FBLIM1: variants seen among roughly 807,000 people sequenced by gnomAD.
FBLIM1 encodes filamin-binding LIM protein 1.
In FBLIM1, 29 loss-of-function variants were observed where a neutral mutation model predicts 37.4. The observed-to-expected ratio is 0.77, with a 90% CI of 0.58 to 1.06. FBLIM1 has a LOEUF of 1.06. FBLIM1 is among the 50% of genes least tolerant of loss of function. The pLI, the probability that FBLIM1 is intolerant of heterozygous loss-of-function variation, is 0.00. For synonymous variants in FBLIM1, 193 were observed against 199.0 expected (o/e 0.97, Z 0.25); for missense variants, 449 against 505.6 (o/e 0.89, Z 1.07).
intron 1 of FBLIM1, among the ~76,000 whole-genome samples, chr1:15,761,461 T>C (rs56053447): frequency 0.013 from 2,038 of 152,312 alleles, 21 homozygotes; most frequent in African/African-American, 0.032. Flanking sequence ...GCACATATAG[T>C]ACCTGGCACA....
chr1:15,770,539 C>G lies in FBLIM1; in HGVS notation c.672C>G (p.Tyr224Ter). Residue 224 changes from tyrosine to a stop codon, truncating the protein, a stop_gained, in exon 6 of 9, where the codon TAC becomes TAG. Transcript: ENST00000375766. LOFTEE classifies it high-confidence loss of function. The stretch of plus-strand genomic sequence containing the variant: ...GCCAGCTGGCTGGGCAGAGCTTCTA[C>G]CAGAAGGATGGGCGACCCCTCTGCG... ...CRRQLAGQSF[Y>*]QKDGRPLCEP... 6.2e-7 allele frequency: 1 copy of G among 1,613,986 alleles called. No homozygotes were observed. Among genetic ancestry groups the G allele is most frequent in the Non-Finnish European group, 8.5e-7 (1 of 1,180,030 alleles).
At chr1:15,774,574 G>A (rs1410585299) in intron 6 of FBLIM1, 44 bp from the exon 7 acceptor site, 2 of 1,570,388 alleles carry the variant, frequency 1.3e-6, no homozygotes, top group Non-Finnish European at 1.7e-6. Flanking sequence ...CGTGGGTTGG[G>A]GTGGGTGTGT....
chr1:15,765,220 G>A lies in FBLIM1; in HGVS notation c.237G>A (p.Gln79=), dbSNP rs2068860306. Residue 79 remains glutamine (Q), a synonymous_variant, in exon 3 of 9, where the codon CAG becomes CAA. Transcript: ENST00000375766. The surrounding 1 kb of genome is among the most constrained non-coding windows in gnomAD (Gnocchi z 5.9). ...AAATVPAAPM[Q]LFNGGCPPPP... is the part of the protein sequence containing the mutation. ...CCACAGTGCCGGCTGCACCTATGCA[G>A]CTCTTCAATGGAGGTAAGAGCTGAG... 1 of 1,612,364 alleles carries A rather than the reference G, an allele frequency of 6.2e-7. No individual in the cohort carries two copies. The highest frequency in any genetic ancestry group is 8.5e-7 in the Non-Finnish European group (1 of 1,179,122).
chr1:15,777,180 C>T lies in FBLIM1; in HGVS notation c.901C>T (p.Pro301Ser). 6.3e-7 allele frequency: 1 copy of T among 1,599,548 alleles called. No homozygotes were observed. Among genetic ancestry groups the T allele is most frequent in the Non-Finnish European group, 8.6e-7 (1 of 1,168,892 alleles). The change falls in exon 8 of 9, where the codon CCC (proline) becomes TCC (serine). Residue 301 changes from proline (P) to serine (S), a missense_variant. Transcript: ENST00000375766. ...TTCCTTTGCTTCTAGGAAATTCGCC[C>T]CCGTCTGCAGCATCTGTGAAAATCC... ...CLDDFYRKFA[P>S]VCSICENPII... is the part of the protein sequence containing the mutation.
At chr1:15,763,865 C>T (rs1569729692) in intron 1 of FBLIM1, among the ~76,000 whole-genome samples, 1 of 151,998 alleles carries the variant, frequency 6.6e-6, no homozygotes, top group African/African-American at 2.4e-5. Flanking sequence ...TCTCAAACTC[C>T]TGGCCTCAAG....
At chr1:15,763,317 G>A (rs1557685316) in intron 1 of FBLIM1, among the ~76,000 whole-genome samples, 1 of 151,820 alleles carries the variant, frequency 6.6e-6, no homozygotes, top group Non-Finnish European at 1.5e-5. Flanking sequence ...TGATCCACCT[G>A]CCTCTGCCTC....
intron 8 of FBLIM1, among the ~76,000 whole-genome samples, chr1:15,780,600 C>T (rs1286969977): frequency 6.6e-6 from 1 of 152,152 alleles, no homozygotes; most frequent in Non-Finnish European, 1.5e-5. Context: ...CCTCTCCCAC[C>T]CCTTCTACAG....
chr1:15,758,519 C>T (rs1389815677), upstream of FBLIM1: 4 of 152,216 alleles, frequency 2.6e-5, no homozygotes, highest in South Asian at 4.1e-4. This position sits in a 1 kb window ranked among gnomAD's most constrained non-coding sequence, Gnocchi z 6.2. Context: ...CCCCCATCGC[C>T]CCCATCCCCA....
At chr1:15,757,104 C>A (rs1056028119), upstream of FBLIM1, among the ~76,000 whole-genome samples, 1 of 152,164 alleles carries the variant, frequency 6.6e-6, no homozygotes, top group Admixed American at 6.5e-5. The surrounding 1 kb of genome is among the most constrained non-coding windows in gnomAD (Gnocchi z 4.1). Context: ...TTTTGGGGGG[C>A]AGGGGCAGGA....
chr1:15,774,883 G>C, intron 7 of FBLIM1, 87 bp downstream of exon 7: 1 of 1,611,632 alleles, frequency 6.2e-7, no homozygotes, highest in South Asian at 1.1e-5. Context: ...AGTCCTGGGT[G>C]CTGGGCCAGA....
At chr1:15,767,064 T>A (rs567356057) in intron 3 of FBLIM1, among the ~76,000 whole-genome samples, 6 of 152,026 alleles carry the variant, frequency 3.9e-5, no homozygotes, top group South Asian at 4.2e-4. Flanking sequence ...TACATTTTTT[T>A]TAATTTTTAG....
At chr1:15,776,140 G>A (rs1483899915) in intron 7 of FBLIM1, among the ~76,000 whole-genome samples, 4 of 152,102 alleles carry the variant, frequency 2.6e-5, no homozygotes, top group African/African-American at 4.8e-5. Context: ...ATATGGGGCC[G>A]GGCGCGGTAG....
At chr1:15,760,589 T>G (rs1207221476) in intron 1 of FBLIM1, among the ~76,000 whole-genome samples, 1 of 141,300 alleles carries the variant, frequency 7.1e-6, no homozygotes, top group South Asian at 2.2e-4. Context: ...GGTTTTTTTG[T>G]TTTTTTTTTT....
intron 1 of FBLIM1, among the ~76,000 whole-genome samples, chr1:15,760,585 T>C (rs963721024): frequency 1.3e-5 from 2 of 150,524 alleles, no homozygotes; most frequent in African/African-American, 4.9e-5. Context: ...CAGAGGTTTT[T>C]TTGTTTTTTT....
At chr1:15,763,633 C>T (rs561719769) in intron 1 of FBLIM1, among the ~76,000 whole-genome samples, 1 of 151,470 alleles carries the variant, frequency 6.6e-6, no homozygotes, top group East Asian at 2.0e-4. Context: ...AAGATTCCGT[C>T]TCAAAAAATA....
intron 3 of FBLIM1, among the ~76,000 whole-genome samples, chr1:15,766,444 C>G (rs957068691): frequency 6.6e-6 from 1 of 151,506 alleles, no homozygotes; most frequent in Non-Finnish European, 1.5e-5. Context: ...TTACAGGCGC[C>G]CACCATCACA....
intron 8 of FBLIM1, among the ~76,000 whole-genome samples, chr1:15,781,724 T>TG (rs1483326300): frequency 2.0e-5 from 3 of 146,440 alleles, no homozygotes; most frequent in Non-Finnish European, 4.6e-5. Context: ...TATTGTTTTT[T>TG]TTTTTTTTTT....
chr1:15,783,986 C>T (rs1220894073), intron 8 of FBLIM1, among the ~76,000 whole-genome samples: 10 of 152,074 alleles, frequency 6.6e-5, no homozygotes, highest in African/African-American at 1.9e-4. Context: ...GTCAGGAGAT[C>T]GAGACCAGCC....
chr1:15,759,530 G>A (rs571406967), intron 1 of FBLIM1, among the ~76,000 whole-genome samples: 1 of 152,074 alleles, frequency 6.6e-6, no homozygotes, highest in Non-Finnish European at 1.5e-5. Context: ...GGTTCTGTCC[G>A]GGTCCTGGAG....
Sources: gnomAD v4.1 joint callset for allele counts (sites outside exome capture counted in the v4.1 genomes callset) on GRCh38, gnomAD v4.1.1 for gene constraint, Gnocchi (gnomAD v3.1) non-coding constraint, MANE v1.5 for transcripts, NCBI Gene and HGNC (gene_info 2026-07-23, HGNC 2026-07-21) for gene names.